JMJD1C: variants seen among roughly 807,000 people sequenced by gnomAD.
JMJD1C encodes the protein jumonji domain containing 1C.
JMJD1C carries 31 observed loss-of-function variants against 245.3 expected under a neutral mutation model. The ratio of observed to expected loss-of-function variants is 0.13; its 90% CI spans 0.09 to 0.17. JMJD1C has a LOEUF of 0.17. Among genes scored for constraint, JMJD1C ranks in the 10% least tolerant of loss-of-function variants. JMJD1C has a pLI of 1.00. For missense variants in JMJD1C, 2,691 were observed against 3,000.2 expected, an observed-to-expected ratio of 0.90 and a Z score of 2.41; for synonymous variants, 1,057 against 1,017.4, an observed-to-expected ratio of 1.04 and a Z score of -0.74.
intron 12 of JMJD1C, 85 bp from the exon 13 acceptor site, chr10:63,197,648 A>G (rs1171660702): frequency 9.4e-6 from 12 of 1,276,428 alleles, no homozygotes; most frequent in Middle Eastern, 2.0e-4. Flanking sequence ...AGAAATAAAA[A>G]TGTAAAGGCA....
intron 22 of JMJD1C, among the ~76,000 whole-genome samples, chr10:63,181,545 T>C (rs1300153094): frequency 6.6e-6 from 1 of 152,210 alleles, no homozygotes; most frequent in Non-Finnish European, 1.5e-5. Context: ...TGAAACATTA[T>C]TATAACCCTA....
chr10:63,220,112 T>C, intron 3 of JMJD1C, 129 bp from the exon 4 acceptor site: 2 of 568,138 alleles, frequency 3.5e-6, no homozygotes, highest in Non-Finnish European at 6.2e-6. Context: ...AAAACACAAA[T>C]TCATGAGTTA....
intron 1 of JMJD1C, among the ~76,000 whole-genome samples, chr10:63,393,435 G>C (rs1948236914): frequency 6.6e-6 from 1 of 152,162 alleles, no homozygotes; most frequent in Non-Finnish European, 1.5e-5. Context: ...ATATACTGTT[G>C]ACGGGAATAT....
Position 63,465,762 on chromosome 10 carries a change from C to A in JMJD1C, c.-100G>T. 1 of 1,399,210 alleles carries A rather than the reference C, an allele frequency of 7.1e-7. No individual in the cohort carries two copies. The highest frequency in any genetic ancestry group is 9.9e-7 in the Non-Finnish European group (1 of 1,010,994). 86.7% of individuals were successfully genotyped at this position (1,399,210 alleles called of 1,614,324 possible). A position where few individuals can be genotyped will look rare whatever the true frequency, so the allele number is the denominator to read the frequency against. ...TCATGCTGAGGAGAGCGGACCGGGA[C>A]ACAGCAGCGGACCCGAAAGAGCGCA... is the stretch of plus-strand genomic sequence containing the variant. On this transcript the variant is annotated 5_prime_UTR_variant, in exon 1 of 26. Coordinates refer to ENST00000399262, the MANE Select transcript of JMJD1C (RefSeq NM_032776.3).
At chr10:63,441,837 T>C (rs1951406681) in intron 1 of JMJD1C, among the ~76,000 whole-genome samples, 1 of 152,222 alleles carries the variant, frequency 6.6e-6, no homozygotes, top group Admixed American at 6.5e-5. Context: ...TCTACGGCTA[T>C]TATAATCACC....
intron 1 of JMJD1C, among the ~76,000 whole-genome samples, chr10:63,421,158 A>G (rs1950105186): frequency 6.6e-6 from 1 of 152,094 alleles, no homozygotes. Flanking sequence ...AACATGGTGA[A>G]ACCCCATCTC....
intron 2 of JMJD1C, among the ~76,000 whole-genome samples, chr10:63,282,959 G>A (rs777934475): frequency 2.0e-5 from 3 of 152,174 alleles, no homozygotes; most frequent in Non-Finnish European, 4.4e-5. Context: ...CTTGTGATCT[G>A]CCTGCCTGGG....
chr10:63,237,660 T>A (rs540350169), intron 3 of JMJD1C, among the ~76,000 whole-genome samples: 1 of 152,242 alleles, frequency 6.6e-6, no homozygotes, highest in East Asian at 1.9e-4. Context: ...CCAAAATGCT[T>A]GGAGTCAGAA....
chr10:63,464,617 AAC>A (rs1195650275), intron 1 of JMJD1C, among the ~76,000 whole-genome samples: 1 of 152,132 alleles, frequency 6.6e-6, no homozygotes, highest in Non-Finnish European at 1.5e-5. Context: ...CTTGGAACAC[AAC>A]AGAGCATATT....
intron 2 of JMJD1C, among the ~76,000 whole-genome samples, chr10:63,315,612 C>A (rs556708323): frequency 6.6e-6 from 1 of 151,434 alleles, no homozygotes; most frequent in Non-Finnish European, 1.5e-5. Context: ...GCCGAGGCAG[C>A]GGGCGGGTCA....
chr10:63,314,813 A>T (rs1372999916), intron 2 of JMJD1C, among the ~76,000 whole-genome samples: 1 of 151,994 alleles, frequency 6.6e-6, no homozygotes. Flanking sequence ...ACGCCTAGCC[A>T]ATTTTTGTAT....
At chr10:63,278,716 G>GT (rs1857073723) in intron 2 of JMJD1C, among the ~76,000 whole-genome samples, 1 of 151,678 alleles carries the variant, frequency 6.6e-6, no homozygotes, top group Non-Finnish European at 1.5e-5. Context: ...ACACATGCCT[G>GT]TAATCCCAGC....
chr10:63,423,818 T>G (rs557151903), intron 1 of JMJD1C, among the ~76,000 whole-genome samples: 1 of 152,354 alleles, frequency 6.6e-6, no homozygotes, highest in African/African-American at 2.4e-5. Context: ...TTTTCCAGGT[T>G]TTGTATTTTT....
At position 63,264,702 on chromosome 10, in the gene JMJD1C, T is replaced by A; in HGVS notation, c.396A>T (p.Val132=). 6.2e-7 allele frequency: 1 copy of A among 1,600,292 alleles called. No individual in the cohort carries two copies. The highest frequency in any genetic ancestry group is 8.5e-7 in the Non-Finnish European group (1 of 1,173,086). ...PSSVTAVEFL[V]DKQLDFLTED... is the part of the protein sequence containing the mutation. ...CAGTTAAAAAATCCAGTTGCTTATC[T>A]ACAAGGAATTCTACTGCAGTGACTG... Residue 132 remains valine, a synonymous_variant, in exon 3 of 26, where the codon GTA becomes GTT. Transcript: ENST00000399262.
intron 3 of JMJD1C, among the ~76,000 whole-genome samples, chr10:63,260,505 A>T (rs1434286936): frequency 6.6e-6 from 1 of 152,220 alleles, no homozygotes; most frequent in Admixed American, 6.5e-5. Context: ...CTGTTATCAA[A>T]ATTTAATGGA....
At chr10:63,404,998 AG>A (rs1347086623) in intron 1 of JMJD1C, among the ~76,000 whole-genome samples, 1 of 152,238 alleles carries the variant, frequency 6.6e-6, no homozygotes, top group Non-Finnish European at 1.5e-5. Flanking sequence ...TGATACAATT[AG>A]TTCTTGCTCC....
chr10:63,355,447 G>C lies in JMJD1C; in HGVS notation c.333+24871C>G, dbSNP rs545251168. Among the ~76,000 whole-genome samples the C allele has an allele frequency of 3.1e-3, 469 of 152,272 alleles. 1 individual carries two copies. Among genetic ancestry groups the C allele is most frequent in the Non-Finnish European group, 4.6e-3 (315 of 68,036 alleles). On this transcript the variant is annotated intron_variant, in intron 2 of 25. Coordinates refer to ENST00000399262, the MANE Select transcript of JMJD1C (RefSeq NM_032776.3). ...AATGTGCAGATTCATTTAACATCAT[G>C]ACCACAACCATAACAGAGAATTGTT...
chr10:63,397,401 C>T (rs561651181), intron 1 of JMJD1C, among the ~76,000 whole-genome samples: 125 of 152,058 alleles, frequency 8.2e-4, no homozygotes, highest in Admixed American at 3.3e-3. Context: ...TCAGTAGAGA[C>T]GGAGTTTCTC....
intron 1 of JMJD1C, among the ~76,000 whole-genome samples, chr10:63,494,078 A>C (rs1954269700): frequency 6.6e-6 from 1 of 152,190 alleles, no homozygotes; most frequent in Admixed American, 6.5e-5. Flanking sequence ...TGGAAGGCCG[A>C]GGCGGGCGGA....
Sources: gnomAD v4.1 joint callset for allele counts (sites outside exome capture counted in the v4.1 genomes callset) on GRCh38, gnomAD v4.1.1 for gene constraint, MANE v1.5 for transcripts, NCBI Gene and HGNC (gene_info 2026-07-23, HGNC 2026-07-21) for gene names.